The following ACSF2 variants were observed in gnomAD, a reference collection of about 807,000 sequenced individuals.
ACSF2 encodes the protein acyl-CoA synthetase family member 2.
In ACSF2, 52 loss-of-function variants were observed where a neutral mutation model predicts 79.3. The ratio of observed to expected loss-of-function variants is 0.66; its 90% CI spans 0.53 to 0.83. The LOEUF (loss-of-function observed/expected upper bound fraction) is 0.83. Among genes scored for constraint, ACSF2 ranks in the 40% least tolerant of loss-of-function variants. ACSF2 has a pLI of 0.00. For missense variants in ACSF2, 661 were observed against 803.3 expected, an observed-to-expected ratio of 0.82 and a Z score of 2.14; for synonymous variants, 283 against 312.6, an observed-to-expected ratio of 0.91 and a Z score of 1.00.
chr17:50,454,388 A>G (rs1331048980), intron 1 of ACSF2, among the ~76,000 whole-genome samples: 9 of 152,068 alleles, frequency 5.9e-5, no homozygotes, highest in Admixed American at 5.9e-4. Flanking sequence ...AAAGCAAAAA[A>G]AAGAAAAAAG....
intron 1 of ACSF2, among the ~76,000 whole-genome samples, chr17:50,451,222 G>C (rs1387589500): frequency 6.6e-6 from 1 of 152,194 alleles, no homozygotes; most frequent in Non-Finnish European, 1.5e-5. Context: ...ACAGGCATGA[G>C]CCACTGTGCC....
chr17:50,466,014 C>T (rs1226926114), intron 10 of ACSF2: 3 of 726,512 alleles, frequency 4.1e-6, no homozygotes, highest in Admixed American at 2.4e-5. Context: ...GCAGTATGAC[C>T]AAGTGATCTC....
At chr17:50,473,837 A>C in intron 13 of ACSF2, 31 bp downstream of exon 13, 1 of 1,613,600 alleles carries the variant, frequency 6.2e-7, no homozygotes, top group East Asian at 2.2e-5. Flanking sequence ...GAGCCCCCAG[A>C]AACAAGAAAC....
In ACSF2 at chr17:50,474,227, T is replaced by C; in HGVS notation, c.1757T>C (p.Ile586Thr). The change falls in exon 15 of 16, where the codon ATC becomes ACC. Residue 586 changes from isoleucine (I) to threonine (T), a missense_variant. Coordinates refer to ENST00000300441, the MANE Select transcript of ACSF2 (RefSeq NM_025149.6). This position sits in a 1 kb window ranked among gnomAD's most constrained non-coding sequence, Gnocchi z 4.2. ...TCTCACTTCAAGATTCCGAAGTACA[T>C]CGTGTTTGTCACAAACTACCCCCTC... ...KISHFKIPKY[I>T]VFVTNYPLTI... 1.9e-6 allele frequency: 3 copies of C among 1,614,210 alleles called. No individual in the cohort carries two copies. The highest frequency in any genetic ancestry group is 2.5e-6 in the Non-Finnish European group (3 of 1,180,032).
chr17:50,464,590 G>A (rs548404227), intron 10 of ACSF2: 16 of 562,428 alleles, frequency 2.8e-5, no homozygotes, highest in African/African-American at 5.6e-5. Context: ...CTGCTAGAAC[G>A]TCCTGGCAGG....
chr17:50,463,328 C>A lies in ACSF2; in HGVS notation c.889-67C>A. ...GGGGTGGGGGGCTGGCTGGGCTCCCCTTGCCAGCTAGAGAGGAACTGGCGT... is the reference window on the plus strand; with the variant it reads ...GGGGTGGGGGGCTGGCTGGGCTCCCATTGCCAGCTAGAGAGGAACTGGCGT... On this transcript the variant is annotated intron_variant, in intron 7 of 15. Coordinates refer to ENST00000300441, the MANE Select transcript of ACSF2 (RefSeq NM_025149.6). This position sits in a 1 kb window ranked among gnomAD's most constrained non-coding sequence, Gnocchi z 4.6. 6.8e-6 allele frequency: 11 copies of A among 1,610,290 alleles called. No individual in the cohort carries two copies. Among genetic ancestry groups the A allele is most frequent in the Non-Finnish European group, 9.3e-6 (11 of 1,177,940 alleles).
chr17:50,461,485 G>A, intron 3 of ACSF2, 115 bp downstream of exon 3: 1 of 1,591,304 alleles, frequency 6.3e-7, no homozygotes, highest in South Asian at 1.1e-5. Flanking sequence ...TTTCAAACCA[G>A]GTAGTGCTTT....
intron 1 of ACSF2, among the ~76,000 whole-genome samples, chr17:50,443,520 T>C (rs1206482479): frequency 1.3e-5 from 2 of 152,216 alleles, no homozygotes; most frequent in Admixed American, 1.3e-4. Flanking sequence ...TGCTGCGAGC[T>C]TGAAGATTCT....
intron 10 of ACSF2, 124 bp downstream of exon 10, chr17:50,464,418 A>G: frequency 2.0e-6 from 2 of 995,876 alleles, no homozygotes; most frequent in Non-Finnish European, 3.2e-6. Flanking sequence ...CCCTCCTTCC[A>G]GAAAGCAGAT....
chr17:50,461,182 A>C, intron 2 of ACSF2, 60 bp from the exon 3 acceptor site: 2 of 1,609,380 alleles, frequency 1.2e-6, no homozygotes. Flanking sequence ...TGAGGGTGGG[A>C]GTCTTGGGCC....
In ACSF2 at chr17:50,473,732, C is replaced by G. The variant is rs765996539; in HGVS notation, c.1543C>G (p.Arg515Gly). ...IVGRSKDMIIRGGENIYPAEL... is the reference protein window; with the variant it reads ...IVGRSKDMIIGGGENIYPAEL... ...GGGCCGCTCTAAGGATATGATCATC[C>G]GGGGTGGTGAGAACATCTACCCCGC... The change falls in exon 13 of 16, where the codon CGG becomes GGG. Residue 515 changes from arginine to glycine, a missense_variant. Transcript: ENST00000300441. 2.5e-6 allele frequency: 4 copies of G among 1,614,196 alleles called. No individual in the cohort carries two copies. Among genetic ancestry groups the G allele is most frequent in the Non-Finnish European group, 3.4e-6 (4 of 1,180,038 alleles).
At chr17:50,470,927 T>A (rs571089754) in intron 10 of ACSF2, 101 bp from the exon 11 acceptor site, 1 of 894,874 alleles carries the variant, frequency 1.1e-6, no homozygotes, top group Non-Finnish European at 1.8e-6. Flanking sequence ...CCCTCCACTT[T>A]CCCTTTTCTT....
rs867421083 is a variant in ACSF2, at chr17:50,463,999, T to C, written c.1138+90T>C. Reference sequence around the variant, plus strand: ...GGTGAGTTAGCTATGCTCCCAGTCTTTTATATAGGGGGCAAGAAGGACGCT... The same window carrying C: ...GGTGAGTTAGCTATGCTCCCAGTCTCTTATATAGGGGGCAAGAAGGACGCT... On this transcript the variant is annotated intron_variant, in intron 9 of 15. Transcript: ENST00000300441. The surrounding 1 kb of genome is among the most constrained non-coding windows in gnomAD (Gnocchi z 4.6). 14 of 1,318,072 alleles carry C rather than the reference T, an allele frequency of 1.1e-5. No individual in the cohort carries two copies. The Middle Eastern group carries it at 2.9e-3, about 271-fold the overall frequency. 81.6% of individuals were successfully genotyped at this position (1,318,072 alleles called of 1,614,324 possible).
chr17:50,459,024 G>A (rs1325140488), intron 1 of ACSF2, among the ~76,000 whole-genome samples: 1 of 152,220 alleles, frequency 6.6e-6, no homozygotes, highest in Non-Finnish European at 1.5e-5. Flanking sequence ...TGGCACATAC[G>A]GGTGCTCACT....
At chr17:50,428,188 C>T (rs991031302) in intron 1 of ACSF2, among the ~76,000 whole-genome samples, 4 of 152,084 alleles carry the variant, frequency 2.6e-5, no homozygotes, top group Non-Finnish European at 5.9e-5. Flanking sequence ...AACCTAGACT[C>T]AAAAAATAAA....
At chr17:50,439,796 A>T (rs75691956) in intron 1 of ACSF2, among the ~76,000 whole-genome samples, 1,994 of 152,184 alleles carry the variant, frequency 0.013, 52 homozygotes, top group African/African-American at 0.045. Flanking sequence ...GGCAACATAG[A>T]CACTATTGCT....
At chr17:50,458,877 G>T (rs923593655) in intron 1 of ACSF2, among the ~76,000 whole-genome samples, 1 of 152,202 alleles carries the variant, frequency 6.6e-6, no homozygotes, top group Admixed American at 6.5e-5. Context: ...CCCACAGTCT[G>T]CCTCATGGCT....
In ACSF2 at chr17:50,469,060, G is replaced by C. The variant is rs201253181; in HGVS notation, c.1216-1968G>C. 9.5e-5 allele frequency: 121 copies of C among 1,279,532 alleles called. No individual in the cohort carries two copies. The East Asian group carries it at 2.8e-3, about 30-fold the overall frequency. The allele number at this position is 1,279,532 out of a possible 1,614,324, so 79.3% of individuals were successfully genotyped here. A position where few individuals can be genotyped will look rare whatever the true frequency, so the allele number is the denominator to read the frequency against. ...CCCCCAGCCGGCTACCGTGCATGAG[G>C]GGGTGGGACCGTGGCCCCCGAGCCC... is the stretch of plus-strand genomic sequence containing the variant. On this transcript the variant is annotated intron_variant, in intron 10 of 15. Coordinates refer to ENST00000300441, the MANE Select transcript of ACSF2 (RefSeq NM_025149.6).
At chr17:50,431,550 C>G (rs886431143) in intron 1 of ACSF2, among the ~76,000 whole-genome samples, 2 of 152,198 alleles carry the variant, frequency 1.3e-5, no homozygotes, top group South Asian at 4.1e-4. Context: ...CGTTGTGAAC[C>G]CTGGTGCCAT....
Sources: allele counts gnomAD v4.1 joint callset (sites outside exome capture counted in the v4.1 genomes callset), GRCh38; gene constraint gnomAD v4.1.1; non-coding constraint Gnocchi (gnomAD v3.1); transcripts MANE v1.5; gene names NCBI Gene and HGNC (gene_info 2026-07-23, HGNC 2026-07-21).